The following DCC variants were observed in gnomAD, a reference collection of about 807,000 sequenced individuals.
DCC encodes netrin receptor DCC.
A neutral mutation model predicts 172.5 loss-of-function variants in DCC; 58 were observed. That is an observed-to-expected ratio of 0.34 (90% CI 0.27 to 0.42). The LOEUF (loss-of-function observed/expected upper bound fraction) is 0.42. DCC is among the 10% of genes least tolerant of loss of function. The pLI, the probability that DCC is intolerant of heterozygous loss-of-function variation, is 1.00. For synonymous variants in DCC, 709 were observed against 644.5 expected, an observed-to-expected ratio of 1.10 and a Z score of -1.52; for missense variants, 1,740 against 1,791.0, an observed-to-expected ratio of 0.97 and a Z score of 0.51.
At chr18:53,245,058 A>C (rs956471097) in intron 12 of DCC, among the ~76,000 whole-genome samples, 4 of 152,090 alleles carry the variant, frequency 2.6e-5, no homozygotes, top group African/African-American at 9.7e-5. Flanking sequence ...TTCATGAGAA[A>C]ATGTAATTAG....
At chr18:52,820,367 CA>C (rs1396132909) in intron 2 of DCC, among the ~76,000 whole-genome samples, 3 of 152,124 alleles carry the variant, frequency 2.0e-5, no homozygotes, top group Non-Finnish European at 4.4e-5. Context: ...AAAGCACCCC[CA>C]AACACGTTCC....
chr18:52,340,925 C>T (rs1458833511), intron 1 of DCC, 47 bp downstream of exon 1: 3 of 1,381,310 alleles, frequency 2.2e-6, no homozygotes, highest in East Asian at 2.3e-5. Flanking sequence ...TTCCGTACCC[C>T]ACTTCCCTTC....
At chr18:52,897,171 G>T (rs1366383183) in intron 2 of DCC, among the ~76,000 whole-genome samples, 1 of 152,170 alleles carries the variant, frequency 6.6e-6, no homozygotes, top group African/African-American at 2.4e-5. Flanking sequence ...GTATAGTCAG[G>T]CTTTCATTGC....
intron 24 of DCC, among the ~76,000 whole-genome samples, chr18:53,459,963 T>C (rs2045530895): frequency 6.8e-6 from 1 of 148,138 alleles, no homozygotes; most frequent in Non-Finnish European, 1.5e-5. Context: ...ACTATGGAAA[T>C]CAACTGTCAT....
chr18:52,515,521 G>A (rs2031600098), intron 1 of DCC, among the ~76,000 whole-genome samples: 1 of 145,236 alleles, frequency 6.9e-6, no homozygotes, highest in Non-Finnish European at 1.5e-5. Context: ...GCAGGAGAAT[G>A]GCGTGAACCC....
chr18:52,611,509 A>G (rs2034277006), intron 1 of DCC, among the ~76,000 whole-genome samples: 1 of 152,194 alleles, frequency 6.6e-6, no homozygotes, highest in Non-Finnish European at 1.5e-5. Flanking sequence ...GCTGGTGGGT[A>G]AAATGTCCTG....
At chr18:53,299,851 ATTC>A (rs2057112052) in intron 12 of DCC, among the ~76,000 whole-genome samples, 1 of 152,170 alleles carries the variant, frequency 6.6e-6, no homozygotes, top group African/African-American at 2.4e-5. Context: ...TTATTTAACC[ATTC>A]TTGTCCCAGT....
rs557570327 is a variant in DCC, at chr18:52,829,915, T to A, written c.413-76129T>A. Among the ~76,000 whole-genome samples the A allele has an allele frequency of 5.1e-4, 78 of 151,970 alleles. 1 individual carries two copies. The highest frequency in any genetic ancestry group is 1.8e-3 in the African/African-American group (73 of 41,414). On this transcript the variant is annotated intron_variant, in intron 2 of 28. Transcript: ENST00000442544. ...AGTGGGAGGGATCTGCAAAAGAAAATTTCACTTTAAATATTGTGGTCAGGG... is the reference window on the plus strand; with the variant it reads ...AGTGGGAGGGATCTGCAAAAGAAAAATTCACTTTAAATATTGTGGTCAGGG...
chr18:53,029,282 G>A (rs2041996791), intron 5 of DCC, among the ~76,000 whole-genome samples: 1 of 152,142 alleles, frequency 6.6e-6, no homozygotes, highest in Admixed American at 6.6e-5. Flanking sequence ...TGCTATGTGG[G>A]TTAAGAATAG....
intron 5 of DCC, among the ~76,000 whole-genome samples, chr18:52,937,753 T>TTTG (rs2040402039): frequency 1.3e-5 from 2 of 152,104 alleles, no homozygotes; most frequent in Admixed American, 1.3e-4. Context: ...AGTGCTGGGA[T>TTTG]TACAGGCATG....
chr18:53,255,130 C>T (rs2144666482), intron 12 of DCC, among the ~76,000 whole-genome samples: 1 of 152,162 alleles, frequency 6.6e-6, no homozygotes, highest in East Asian at 1.9e-4. Flanking sequence ...TCACTTCTAG[C>T]TTCCTGGGTA....
chr18:53,316,410 T>A (rs1328878035), intron 13 of DCC, among the ~76,000 whole-genome samples: 1 of 152,200 alleles, frequency 6.6e-6, no homozygotes, highest in Admixed American at 6.5e-5. Flanking sequence ...TCGTTGTTTC[T>A]GCTTAGGATT....
At chr18:53,353,279 GAA>G (rs67730754) in intron 15 of DCC, among the ~76,000 whole-genome samples, 3 of 135,046 alleles carry the variant, frequency 2.2e-5, no homozygotes, top group Non-Finnish European at 3.1e-5. Context: ...CACTTGAGAG[GAA>G]AAAAAAAAAA....
intron 2 of DCC, among the ~76,000 whole-genome samples, chr18:52,809,685 C>CTAACA: frequency 6.6e-6 from 1 of 152,138 alleles, no homozygotes; most frequent in Admixed American, 6.5e-5. Flanking sequence ...AGTAGAAGCT[C>CTAACA]AACTTGTGCC....
At chr18:53,399,295 A>C (rs1364686264) in intron 18 of DCC, among the ~76,000 whole-genome samples, 1 of 152,108 alleles carries the variant, frequency 6.6e-6, no homozygotes, top group African/African-American at 2.4e-5. Flanking sequence ...ATGTAGATTC[A>C]GTGTCACAAA....
intron 5 of DCC, among the ~76,000 whole-genome samples, chr18:53,026,574 T>C (rs1185246500): frequency 2.6e-5 from 4 of 152,134 alleles, no homozygotes; most frequent in Admixed American, 2.0e-4. Flanking sequence ...TTTTATTTTA[T>C]AGACAGGGTA....
At chr18:52,630,710 T>C (rs1016807907) in intron 1 of DCC, among the ~76,000 whole-genome samples, 8 of 152,126 alleles carry the variant, frequency 5.3e-5, no homozygotes, top group African/African-American at 1.9e-4. Flanking sequence ...TTAATTCTTA[T>C]CATATCTCTA....
intron 1 of DCC, among the ~76,000 whole-genome samples, chr18:52,637,922 A>G (rs768223338): frequency 4.6e-5 from 7 of 152,238 alleles, no homozygotes; most frequent in Non-Finnish European, 8.8e-5. Context: ...AGACAGAAGC[A>G]CCAGGTAACC....
chr18:52,653,309 C>T (rs1467235913), intron 1 of DCC, among the ~76,000 whole-genome samples: 3 of 152,122 alleles, frequency 2.0e-5, no homozygotes, highest in Non-Finnish European at 2.9e-5. Flanking sequence ...AAATAATTCA[C>T]TCATATTTTT....
Sources: allele counts gnomAD v4.1 joint callset (sites outside exome capture counted in the v4.1 genomes callset), GRCh38; gene constraint gnomAD v4.1.1; transcripts MANE v1.5; gene names NCBI Gene and HGNC (gene_info 2026-07-23, HGNC 2026-07-21).